FGGY: variants seen among roughly 807,000 people sequenced by gnomAD.
The protein encoded by FGGY is FGGY carbohydrate kinase domain-containing protein.
In FGGY, 72 loss-of-function variants were observed where a neutral mutation model predicts 71.3. The observed-to-expected ratio is 1.01, with a 90% CI of 0.84 to 1.23. The LOEUF (loss-of-function observed/expected upper bound fraction) is 1.23, where lower values mean the gene tolerates loss of function less well. Among genes scored for constraint, FGGY ranks in the 50% most tolerant of loss-of-function variants. FGGY has a pLI of 0.00. For missense variants in FGGY, 668 were observed against 682.3 expected (o/e 0.98, Z 0.23); for synonymous variants, 251 against 250.3 (o/e 1.00, Z -0.02).
chr1:59,368,398 TG>T (rs1302680452), intron 4 of FGGY, among the ~76,000 whole-genome samples: 5 of 152,218 alleles, frequency 3.3e-5, no homozygotes, highest in Non-Finnish European at 7.3e-5. Flanking sequence ...GGGTGGTAAC[TG>T]TGGCATAGTG....
At chr1:59,313,901 A>G (rs1345886684) in intron 1 of FGGY, among the ~76,000 whole-genome samples, 1 of 152,070 alleles carries the variant, frequency 6.6e-6, no homozygotes, top group Non-Finnish European at 1.5e-5. Flanking sequence ...ACATATCACC[A>G]CTCAAGAACT....
intron 14 of FGGY, among the ~76,000 whole-genome samples, chr1:59,700,314 G>A (rs2097699430): frequency 6.6e-6 from 1 of 152,180 alleles, no homozygotes; most frequent in African/African-American, 2.4e-5. Context: ...TGGTGACAAT[G>A]ATGATAGGCA....
chr1:59,642,318 C>T (rs765713016), intron 11 of FGGY, among the ~76,000 whole-genome samples: 8 of 152,182 alleles, frequency 5.3e-5, no homozygotes, highest in Non-Finnish European at 1.2e-4. Flanking sequence ...TTTAAGTATA[C>T]AGTGAGTGGG....
chr1:59,701,139 G>T (rs1055774385), intron 14 of FGGY, among the ~76,000 whole-genome samples: 1 of 152,162 alleles, frequency 6.6e-6, no homozygotes, highest in East Asian at 1.9e-4. Flanking sequence ...AGGGGGACAC[G>T]TGCAAGAGAA....
intron 4 of FGGY, among the ~76,000 whole-genome samples, chr1:59,370,835 A>G (rs904143740): frequency 2.0e-5 from 3 of 151,880 alleles, no homozygotes; most frequent in African/African-American, 7.3e-5. Flanking sequence ...GAAATAAAAT[A>G]CTTTACAGAC....
At chr1:59,373,933 C>A (rs1188828738) in intron 4 of FGGY, among the ~76,000 whole-genome samples, 3 of 152,150 alleles carry the variant, frequency 2.0e-5, no homozygotes, top group East Asian at 3.8e-4. Context: ...AAACGTTAGA[C>A]CTAAAACCAT....
At chr1:59,604,571 T>G (rs2153813285) in intron 8 of FGGY, among the ~76,000 whole-genome samples, 1 of 152,316 alleles carries the variant, frequency 6.6e-6, no homozygotes, top group East Asian at 1.9e-4. Context: ...CTGCAGCTGA[T>G]GCAGTAACAT....
At chr1:59,315,738 TA>T (rs1322812011) in intron 1 of FGGY, 3 of 152,132 alleles carry the variant, frequency 2.0e-5, no homozygotes, top group African/African-American at 7.2e-5. Flanking sequence ...AAGCCACAGG[TA>T]TGTCTAGATG....
intron 5 of FGGY, among the ~76,000 whole-genome samples, chr1:59,439,773 C>A (rs1278061259): frequency 6.6e-6 from 1 of 152,218 alleles, no homozygotes; most frequent in African/African-American, 2.4e-5. Context: ...GCATAATTTT[C>A]CTTTCCATCT....
chr1:59,679,429 C>T lies in FGGY; in HGVS notation c.1512+5296C>T, dbSNP rs796106623. ...CAGAGGTTAGAAAAAACTGAAATAC[C>T]GTAGATGTTCAGAAGTATGAAACCA... On this transcript the variant is annotated intron_variant, in intron 14 of 15. Coordinates refer to ENST00000303721, the MANE Select transcript of FGGY (RefSeq NM_018291.5). Among the ~76,000 whole-genome samples the T allele has an allele frequency of 1.3e-4, 20 of 150,990 alleles. 1 individual carries two copies. The highest frequency in any genetic ancestry group is 4.4e-4 in the African/African-American group (18 of 41,086).
intron 14 of FGGY, among the ~76,000 whole-genome samples, chr1:59,696,206 T>A (rs999306015): frequency 6.6e-6 from 1 of 152,188 alleles, no homozygotes; most frequent in African/African-American, 2.4e-5. Context: ...TTCCAAAATG[T>A]ACAGACATAC....
intron 4 of FGGY, among the ~76,000 whole-genome samples, chr1:59,362,541 A>G (rs990445410): frequency 6.6e-6 from 1 of 152,160 alleles, no homozygotes; most frequent in African/African-American, 2.4e-5. Context: ...TTCCTTCTCC[A>G]TGGCCATGGA....
At chr1:59,475,947 C>T (rs557409919) in intron 6 of FGGY, among the ~76,000 whole-genome samples, 1 of 152,194 alleles carries the variant, frequency 6.6e-6, no homozygotes. Flanking sequence ...AAAAATAACT[C>T]CTTGCCATGT....
At chr1:59,616,696 A>AT (rs969350840) in intron 9 of FGGY, among the ~76,000 whole-genome samples, 1 of 151,990 alleles carries the variant, frequency 6.6e-6, no homozygotes, top group African/African-American at 2.4e-5. Flanking sequence ...CTTACTGAGT[A>AT]TTTTTTTGTG....
At chr1:59,725,191 C>T (rs1275946866) in intron 14 of FGGY, among the ~76,000 whole-genome samples, 2 of 152,198 alleles carry the variant, frequency 1.3e-5, no homozygotes, top group East Asian at 1.9e-4. Context: ...TACAATATTT[C>T]AAACATGACT....
chr1:59,444,692 A>T (rs2070798283), intron 5 of FGGY, among the ~76,000 whole-genome samples: 1 of 152,094 alleles, frequency 6.6e-6, no homozygotes, highest in African/African-American at 2.4e-5. Context: ...AGGAACAGGA[A>T]CCCTATTGTG....
intron 5 of FGGY, chr1:59,393,380 T>A (rs1397789100): frequency 2.6e-5 from 4 of 152,108 alleles, no homozygotes; most frequent in African/African-American, 7.2e-5. Context: ...GAGCCAACCG[T>A]GAAGTCATTT....
rs1457014472 is a variant in FGGY at position 59,460,848 on chromosome 1, T to A, written c.670+3772T>A. On this transcript the variant is annotated intron_variant, in intron 6 of 15. Coordinates refer to ENST00000303721, the MANE Select transcript of FGGY (RefSeq NM_018291.5). ...AATTCCTGCAGCTGAGGAACCTGGC[T>A]GTTAGAAGGAACTCTAACAAACAGA... Among the ~76,000 whole-genome samples, 3 of 152,224 alleles carry A rather than the reference T, an allele frequency of 2.0e-5. No individual in the cohort carries two copies. In the East Asian group the frequency reaches 5.8e-4, roughly 29 times the overall value.
intron 8 of FGGY, among the ~76,000 whole-genome samples, chr1:59,562,409 A>T (rs1306885818): frequency 6.6e-6 from 1 of 152,214 alleles, no homozygotes; most frequent in Non-Finnish European, 1.5e-5. Flanking sequence ...CTTTTGTGGA[A>T]AAGTGGGCTC....
Sources: allele counts gnomAD v4.1 joint callset (sites outside exome capture counted in the v4.1 genomes callset), GRCh38; gene constraint gnomAD v4.1.1; transcripts MANE v1.5; gene names NCBI Gene and HGNC (gene_info 2026-07-23, HGNC 2026-07-21).